The following EBF3 variants were observed in gnomAD, a reference collection of about 807,000 sequenced individuals.
EBF3 encodes the protein transcription factor COE3.
EBF3 carries 18 observed loss-of-function variants against 77.1 expected under a neutral mutation model. The observed-to-expected ratio is 0.23, with a 90% confidence interval of 0.16 to 0.35. The LOEUF is 0.35. EBF3 is among the 10% of genes least tolerant of loss of function. The pLI is 1.00. For synonymous variants in EBF3, 350 were observed against 343.5 expected (o/e 1.02, Z -0.21); for missense variants, 558 against 860.0 (o/e 0.65, Z 4.39).
chr10:129,881,923 GTGTT>G (rs559718819), intron 6 of EBF3, among the ~76,000 whole-genome samples: 99 of 152,362 alleles, frequency 6.5e-4, no homozygotes, highest in African/African-American at 2.4e-3. Flanking sequence ...GGTCTTGGTT[GTGTT>G]TGTTTCAGAG....
intron 6 of EBF3, among the ~76,000 whole-genome samples, chr10:129,887,628 A>G (rs563957394): frequency 2.0e-5 from 3 of 152,316 alleles, no homozygotes; most frequent in Non-Finnish European, 2.9e-5. Context: ...CTAGGGCCGC[A>G]TGGCAAAGCT....
At chr10:129,946,611 T>C (rs980744949) in intron 6 of EBF3, among the ~76,000 whole-genome samples, 4 of 152,226 alleles carry the variant, frequency 2.6e-5, no homozygotes, top group Non-Finnish European at 4.4e-5. Context: ...TTTTTGTTTC[T>C]GAGCTTTCTC....
intron 6 of EBF3, among the ~76,000 whole-genome samples, chr10:129,903,863 T>C (rs1343576463): frequency 6.6e-6 from 1 of 152,178 alleles, no homozygotes; most frequent in African/African-American, 2.4e-5. Flanking sequence ...TCAGATAGAA[T>C]TCAATCCTAA....
chr10:129,840,304 A>G lies in EBF3; in HGVS notation c.1700T>C (p.Val567Ala). 1 of 1,593,322 alleles carries G rather than the reference A, an allele frequency of 6.3e-7. No homozygotes were observed. Among genetic ancestry groups the G allele is most frequent in the African/African-American group, 1.3e-5 (1 of 74,812 alleles). Residue 567 changes from valine to alanine, a missense_variant, in exon 15 of 17, where the codon GTC becomes GCC. Physicochemically the swap from Val to Ala is moderately conservative, Grantham distance 64. Coordinates refer to ENST00000440978, the MANE Select transcript of EBF3 (RefSeq NM_001375380.1). ...AGGAGGAGGAGAGGCTTGGGGCCGGACCACGGGCGCGAAGGCGCTCTTCTG... is the reference window on the plus strand; with the variant it reads ...AGGAGGAGGAGAGGCTTGGGGCCGGGCCACGGGCGCGAAGGCGCTCTTCTG... Reference protein sequence around the residue: ...VKQKSAFAPVVRPQASPPPSC... With the variant: ...VKQKSAFAPVARPQASPPPSC...
intron 9 of EBF3, among the ~76,000 whole-genome samples, chr10:129,867,555 TC>T (rs1180797876): frequency 6.6e-6 from 1 of 152,172 alleles, no homozygotes; most frequent in African/African-American, 2.4e-5. Context: ...CACTAATTGT[TC>T]CAGTGGACGG....
intron 5 of EBF3, among the ~76,000 whole-genome samples, chr10:129,957,713 G>T (rs1453398311): frequency 6.6e-6 from 1 of 152,160 alleles, no homozygotes; most frequent in East Asian, 1.9e-4. Flanking sequence ...TGTTATTTCT[G>T]GAAAAGATGC....
At chr10:129,859,263 T>C (rs925637965) in intron 10 of EBF3, among the ~76,000 whole-genome samples, 4 of 152,188 alleles carry the variant, frequency 2.6e-5, no homozygotes, top group African/African-American at 4.8e-5. Context: ...TCTATCTTGC[T>C]CAGGCTGGAG....
At chr10:129,867,419 C>G in intron 9 of EBF3, 152 bp from the exon 10 acceptor site, 1 of 1,286,246 alleles carries the variant, frequency 7.8e-7, no homozygotes, top group African/African-American at 1.5e-5. Flanking sequence ...CCGGGACCTA[C>G]AGTGTTTTTT....
intron 7 of EBF3, among the ~76,000 whole-genome samples, chr10:129,875,187 C>CTTCTTCTTTTTTTTTTTTTTTTT (rs1852672323): frequency 2.2e-5 from 2 of 92,932 alleles, no homozygotes; most frequent in African/African-American, 8.2e-5. Context: ...ATGGCTTCTT[C>CTTCTTCTTTTTTTTTTTTTTTTT]TTTTTTTTTT....
intron 10 of EBF3, among the ~76,000 whole-genome samples, chr10:129,854,657 G>C (rs936721935): frequency 6.6e-6 from 1 of 152,214 alleles, no homozygotes; most frequent in African/African-American, 2.4e-5. Context: ...GAAGATCAAT[G>C]CATGGACAGG....
At chr10:129,920,915 T>C (rs540738668) in intron 6 of EBF3, among the ~76,000 whole-genome samples, 1 of 151,938 alleles carries the variant, frequency 6.6e-6, no homozygotes, top group Non-Finnish European at 1.5e-5. Context: ...TGCCTGAGGT[T>C]TGGTTTCCTC....
At chr10:129,951,095 G>C (rs1858642152) in intron 6 of EBF3, among the ~76,000 whole-genome samples, 2 of 152,168 alleles carry the variant, frequency 1.3e-5, no homozygotes, top group Admixed American at 1.3e-4. Flanking sequence ...GCCTAGCAAA[G>C]ATCACCGTCC....
Position 129,963,011 on chromosome 10 carries a change from A to G in EBF3, c.292-6T>C. ...GTTTTCTCGTTGTTTGGCTCCTGAA[A>G]GTAACGATAAATAATTGCATTTAGT... is the stretch of plus-strand genomic sequence containing the variant. On this transcript the variant is annotated splice_polypyrimidine_tract_variant and splice_region_variant and intron_variant, in intron 2 of 16. Coordinates refer to ENST00000440978, the MANE Select transcript of EBF3 (RefSeq NM_001375380.1). The surrounding 1 kb of genome is among the most constrained non-coding windows in gnomAD (Gnocchi z 7.1). The G allele has an allele frequency of 6.2e-7, 1 of 1,614,166 alleles. No individual in the cohort carries two copies.
At chr10:129,945,894 G>C (rs1350797987) in intron 6 of EBF3, among the ~76,000 whole-genome samples, 1 of 152,104 alleles carries the variant, frequency 6.6e-6, no homozygotes, top group Non-Finnish European at 1.5e-5. Flanking sequence ...GAAGGGAACA[G>C]TTAAGACATT....
chr10:129,953,194 G>A lies in EBF3; in HGVS notation c.554+4064C>T, dbSNP rs550980140. On this transcript the variant is annotated intron_variant, in intron 6 of 16. Transcript: ENST00000440978. The stretch of plus-strand genomic sequence containing the variant: ...TATGGCTGTGCAGGGTAGGGGGGGC[G>A]CAGAGCTGAAATGGGGGTAGTCAGG... Among the ~76,000 whole-genome samples, 13 of 150,360 alleles carry A rather than the reference G, an allele frequency of 8.6e-5. No individual in the cohort carries two copies. The South Asian group carries it at 2.7e-3, about 31-fold the overall frequency.
rs1403883478 is a variant in EBF3 at position 129,938,157 on chromosome 10, G to A, written c.554+19101C>T. The stretch of plus-strand genomic sequence containing the variant: ...CTGCTCCTGCTGAGTTTTTGTGCGA[G>A]GCTAGCCCCCCGCATGAGGCTTCAT... On this transcript the variant is annotated intron_variant, in intron 6 of 16. Transcript: ENST00000440978. The surrounding 1 kb of genome is among the most constrained non-coding windows in gnomAD (Gnocchi z 5.1). 6.6e-6 allele frequency among the ~76,000 whole-genome samples: 1 copy of A among 152,124 alleles called. No homozygotes were observed. The highest frequency in any genetic ancestry group is 2.1e-4 in the South Asian group (1 of 4,818).
intron 6 of EBF3, among the ~76,000 whole-genome samples, chr10:129,942,557 A>G (rs1030860167): frequency 5.3e-5 from 8 of 152,196 alleles, no homozygotes; most frequent in African/African-American, 1.7e-4. Flanking sequence ...AGTCAGGTCA[A>G]ACCCAAACAG....
intron 6 of EBF3, among the ~76,000 whole-genome samples, chr10:129,933,882 C>T (rs2134438390): frequency 6.6e-6 from 1 of 152,302 alleles, no homozygotes; most frequent in East Asian, 1.9e-4. Context: ...CCTGCCTCTC[C>T]CCTCCTCTCT....
chr10:129,936,615 G>A (rs1253846798), intron 6 of EBF3, among the ~76,000 whole-genome samples: 1 of 149,860 alleles, frequency 6.7e-6, no homozygotes, highest in Non-Finnish European at 1.5e-5. Flanking sequence ...TGGGGAACCA[G>A]GGGTTATGGC....
Sources: allele counts gnomAD v4.1 joint callset (sites outside exome capture counted in the v4.1 genomes callset), GRCh38; gene constraint gnomAD v4.1.1; non-coding constraint Gnocchi (gnomAD v3.1); transcripts MANE v1.5; gene names NCBI Gene and HGNC (gene_info 2026-07-23, HGNC 2026-07-21).